The following KY variants were observed in gnomAD, a reference collection of about 807,000 sequenced individuals.
The protein encoded by KY is kyphoscoliosis peptidase.
Under a neutral mutation model 76.1 loss-of-function variants are expected in KY, and 43 were observed. The observed-to-expected ratio is 0.57, with a 90% CI of 0.44 to 0.73. The LOEUF is 0.73. KY is among the 30% of genes least tolerant of loss of function. The pLI is 0.00. For synonymous variants in KY, 277 were observed against 326.2 expected (o/e 0.85, Z 1.63); for missense variants, 722 against 828.9 (o/e 0.87, Z 1.58).
intron 1 of KY, 146 bp downstream of exon 1, chr3:134,650,679 G>C: frequency 1.3e-6 from 1 of 741,516 alleles, no homozygotes; most frequent in Non-Finnish European, 2.1e-6. Context: ...GTGCCACTGC[G>C]GGGAAGCGAC....
At chr3:134,623,384 A>G (rs948462423) in intron 6 of KY, among the ~76,000 whole-genome samples, 1 of 152,078 alleles carries the variant, frequency 6.6e-6, no homozygotes, top group African/African-American at 2.4e-5. Flanking sequence ...ACGGCAGGCC[A>G]GGTGGGACTT....
intron 4 of KY, 198 bp from the exon 5 acceptor site, chr3:134,628,016 A>G: frequency 1.7e-6 from 1 of 604,134 alleles, no homozygotes; most frequent in Non-Finnish European, 3.0e-6. Context: ...CAGAAGGAAG[A>G]CTAAGAACCA....
intron 3 of KY, among the ~76,000 whole-genome samples, chr3:134,635,693 T>C (rs1577756682): frequency 6.6e-6 from 1 of 152,086 alleles, no homozygotes; most frequent in East Asian, 1.9e-4. Context: ...GTGTTAGCAA[T>C]CAGAACTACA....
chr3:134,649,227 C>CT (rs1255163790), intron 1 of KY, among the ~76,000 whole-genome samples: 7 of 152,154 alleles, frequency 4.6e-5, no homozygotes, highest in African/African-American at 1.7e-4. Flanking sequence ...CATTAGGGGT[C>CT]TTTTTTTCTC....
rs759568197 is a variant in KY at position 134,604,358 on chromosome 3, C to G, written c.1207G>C (p.Glu403Gln). 15 of 1,614,044 alleles carry G rather than the reference C, an allele frequency of 9.3e-6. No individual in the cohort carries two copies. Among genetic ancestry groups the G allele is most frequent in the Non-Finnish European group, 1.3e-5 (15 of 1,179,902 alleles). The change falls in exon 11 of 11, where the codon GAG (glutamate) becomes CAG (glutamine). Residue 403 changes from glutamate (E) to glutamine (Q), a missense_variant. Physicochemically the swap from Glu to Gln is conservative, Grantham distance 29. Around this residue, in one of 2 missense-constraint regions of KY, gnomAD observed 552 missense variants for 680.9 expected, o/e 0.81. Transcript: ENST00000423778. The part of the protein sequence containing the change: ...LSLRKNGMKL[E>Q]VYPPTMGTHK... ...GTGCCCATGGTTGGAGGGTACACCT[C>G]CAACTTCATCCCATTCTTCCTTAGG...
Position 134,602,382 on chromosome 3 carries a change from C to T in KY, c.*1197G>A, listed in dbSNP as rs1164482292. On this transcript the variant is annotated 3_prime_UTR_variant, in exon 11 of 11. Transcript: ENST00000423778. ...GCCTGAGCAAGCAAGGAGCCCTGAG[C>T]TGTCCCCATGCAAGGTGAGACTGGA... Among the ~76,000 whole-genome samples the T allele has an allele frequency of 6.6e-6, 1 of 152,180 alleles. No individual in the cohort carries two copies. Among genetic ancestry groups the T allele is most frequent in the Admixed American group, 6.5e-5 (1 of 15,290 alleles).
chr3:134,625,380 G>A (rs1157337276), intron 5 of KY, among the ~76,000 whole-genome samples: 1 of 152,260 alleles, frequency 6.6e-6, no homozygotes, highest in African/African-American at 2.4e-5. Context: ...TACGCCTATT[G>A]TAGACTCTGA....
At chr3:134,645,369 C>G (rs1436165454) in intron 2 of KY, among the ~76,000 whole-genome samples, 1 of 152,184 alleles carries the variant, frequency 6.6e-6, no homozygotes. Context: ...TGGATCCACC[C>G]CATGCTCAGC....
intron 8 of KY, among the ~76,000 whole-genome samples, chr3:134,614,516 C>T (rs572855539): frequency 6.6e-6 from 1 of 151,976 alleles, no homozygotes; most frequent in Non-Finnish European, 1.5e-5. Flanking sequence ...AGAGAAGCCC[C>T]AAGGGCTGCA....
intron 5 of KY, among the ~76,000 whole-genome samples, chr3:134,626,169 C>A (rs942919527): frequency 6.6e-6 from 1 of 152,048 alleles, no homozygotes; most frequent in African/African-American, 2.4e-5. Context: ...AAGTTGGGAC[C>A]AAAGAGGAAC....
At chr3:134,610,891 GGGTTGCT>G (rs953653850) in intron 8 of KY, among the ~76,000 whole-genome samples, 2 of 152,228 alleles carry the variant, frequency 1.3e-5, no homozygotes, top group Non-Finnish European at 2.9e-5. Flanking sequence ...AGGTGTTGTG[GGGTTGCT>G]GGTTGTGAGG....
chr3:134,609,657 C>T (rs561021326), intron 9 of KY, among the ~76,000 whole-genome samples: 1 of 152,164 alleles, frequency 6.6e-6, no homozygotes, highest in Admixed American at 6.5e-5. Flanking sequence ...TCCTCTGCAC[C>T]CCGGCTGCCC....
At chr3:134,613,648 CA>C (rs1960946047) in intron 8 of KY, among the ~76,000 whole-genome samples, 1 of 151,996 alleles carries the variant, frequency 6.6e-6, no homozygotes, top group Non-Finnish European at 1.5e-5. Flanking sequence ...ATGCCTGGGG[CA>C]GAAAAAAGAT....
intron 10 of KY, chr3:134,607,427 G>A (rs375427224): frequency 2.0e-6 from 2 of 985,506 alleles, no homozygotes; most frequent in African/African-American, 1.7e-5. Flanking sequence ...CCACCCACAG[G>A]CACCCTGTGC....
chr3:134,610,514 G>C, intron 8 of KY, 131 bp from the exon 9 acceptor site: 1 of 760,830 alleles, frequency 1.3e-6, no homozygotes, highest in Non-Finnish European at 2.1e-6. Context: ...CTTGCTTCTT[G>C]TACTCACATA....
chr3:134,649,770 GC>G (rs1307405753), intron 1 of KY, among the ~76,000 whole-genome samples: 2 of 152,222 alleles, frequency 1.3e-5, no homozygotes, highest in Non-Finnish European at 2.9e-5. Context: ...TAGTGGCAAG[GC>G]CATCCACAGC....
chr3:134,625,235 C>G (rs1458192614), intron 5 of KY, 100 bp from the exon 6 acceptor site: 6 of 877,472 alleles, frequency 6.8e-6, no homozygotes, highest in Non-Finnish European at 1.1e-5. Flanking sequence ...ACTGTCCAAC[C>G]TTTAACACAA....
rs747995623 is a variant in KY, at chr3:134,603,973, C to G, written c.1592G>C (p.Gly531Ala). The stretch of plus-strand genomic sequence containing the variant: ...GACAAAGATCTTGAGGGCAAACTTG[C>G]CTGCATGGGGCAGCTGGACTTTCAG... ...TELKVQLPHA[G>A]KFALKIFVKK... The change falls in exon 11 of 11, where the codon GGC (glycine) becomes GCC (alanine). Residue 531 changes from glycine to alanine, a missense_variant. Gly to Ala is a moderately conservative substitution (Grantham distance 60). Transcript: ENST00000423778. 16 of 1,613,752 alleles carry G rather than the reference C, an allele frequency of 9.9e-6. No individual in the cohort carries two copies. The highest frequency in any genetic ancestry group is 1.4e-5 in the Non-Finnish European group (16 of 1,179,806).
rs1577559363 is a variant in KY at position 134,602,417 on chromosome 3, C to G, written c.*1162G>C. ...GCAAGGTGAGACTGGAGGGGGCTGT[C>G]TTCTCAGAGAAGGGAGGAAAGGAGA... On this transcript the variant is annotated 3_prime_UTR_variant, in exon 11 of 11. Transcript: ENST00000423778. Among the ~76,000 whole-genome samples the G allele has an allele frequency of 6.6e-6, 1 of 152,138 alleles. No individual in the cohort carries two copies. Among genetic ancestry groups the G allele is most frequent in the Admixed American group, 6.5e-5 (1 of 15,284 alleles).
Sources: allele counts gnomAD v4.1 joint callset (sites outside exome capture counted in the v4.1 genomes callset), GRCh38; gene constraint gnomAD v4.1.1; regional missense constraint gnomAD v4.1.1; transcripts MANE v1.5; gene names NCBI Gene and HGNC (gene_info 2026-07-23, HGNC 2026-07-21).